The following IPCEF1 variants were observed in gnomAD, a reference collection of about 807,000 sequenced individuals.
IPCEF1 encodes interactor protein for cytohesin exchange factors 1.
Under a neutral mutation model 50.9 loss-of-function variants are expected in IPCEF1, and 31 were observed. The ratio of observed to expected loss-of-function variants is 0.61; its 90% CI spans 0.46 to 0.82. The LOEUF (loss-of-function observed/expected upper bound fraction) is 0.82. IPCEF1 is among the 40% of genes least tolerant of loss of function. IPCEF1 has a pLI of 0.00. For synonymous variants in IPCEF1, 181 were observed against 192.0 expected, an observed-to-expected ratio of 0.94 and a Z score of 0.47; for missense variants, 458 against 514.0, an observed-to-expected ratio of 0.89 and a Z score of 1.05.
intron 2 of IPCEF1, among the ~76,000 whole-genome samples, chr6:154,286,486 T>C (rs1782361680): frequency 6.6e-6 from 1 of 152,230 alleles, no homozygotes; most frequent in Admixed American, 6.5e-5. Flanking sequence ...TGCATCAAGA[T>C]GGAGGACATT....
intron 5 of IPCEF1, among the ~76,000 whole-genome samples, chr6:154,245,369 TG>T: frequency 6.6e-6 from 1 of 152,096 alleles, no homozygotes; most frequent in Non-Finnish European, 1.5e-5. Flanking sequence ...GCAATAAGTT[TG>T]GGGGCAGAGC....
intron 1 of IPCEF1, among the ~76,000 whole-genome samples, chr6:154,332,869 A>G (rs1251315297): frequency 6.6e-6 from 1 of 152,218 alleles, no homozygotes; most frequent in Non-Finnish European, 1.5e-5. Flanking sequence ...TGTGATTGGA[A>G]GGGCCTCAAA....
chr6:154,295,907 ACACG>A lies in IPCEF1; in HGVS notation c.-61-6155_-61-6152del, dbSNP rs1441036354. Among the ~76,000 whole-genome samples, 123 of 23,848 alleles carry A rather than the reference ACACG, an allele frequency of 5.2e-3. 1 individual carries two copies. Among genetic ancestry groups the A allele is most frequent in the Admixed American group, 6.5e-3 (9 of 1,394 alleles). The allele number at this position is 23,848 out of a possible 152,430, so 15.6% of individuals were successfully genotyped here. On this transcript the variant is annotated intron_variant, in intron 1 of 11. Transcript: ENST00000367220. ...CACACACATGCGTACACACACACAC[ACACG>A]CACACACACACACACACACACACAC...
In IPCEF1 at chr6:154,159,523, T is replaced by A. The variant is rs1035469312; in HGVS notation, c.*305A>T. ...GTCCATAGCATTCTCTGGAGAGCAA[T>A]GAACAGAAGAGACATTTCTCACATC... On this transcript the variant is annotated 3_prime_UTR_variant, in exon 12 of 12. Coordinates refer to ENST00000367220, the MANE Select transcript of IPCEF1 (RefSeq NM_001130700.2). 8.4e-6 allele frequency: 3 copies of A among 356,894 alleles called. No individual in the cohort carries two copies. The highest frequency in any genetic ancestry group is 1.5e-5 in the Non-Finnish European group (3 of 198,672). The allele number at this position is 356,894 out of a possible 1,614,324, so 22.1% of individuals were successfully genotyped here.
rs945423850 is a variant in IPCEF1 at position 154,313,991 on chromosome 6, TC to T, written c.-61-24236del. Among the ~76,000 whole-genome samples the T allele has an allele frequency of 3.9e-5, 6 of 152,146 alleles. No individual in the cohort carries two copies. In the South Asian group the frequency reaches 8.3e-4, roughly 21 times the overall value. On this transcript the variant is annotated intron_variant, in intron 1 of 11. Transcript: ENST00000367220. ...TCAAACTCCTGGCCTCAAGCAATCT[TC>T]CCATCTTGGCCCCCCAAAATGCTGG...
At chr6:154,319,741 T>C (rs1354082028) in intron 1 of IPCEF1, among the ~76,000 whole-genome samples, 1 of 152,228 alleles carries the variant, frequency 6.6e-6, no homozygotes, top group Non-Finnish European at 1.5e-5. Context: ...GGTGTGATAC[T>C]TCAAGATTAG....
intron 3 of IPCEF1, among the ~76,000 whole-genome samples, chr6:154,257,482 T>G (rs1028900819): frequency 1.3e-5 from 2 of 152,216 alleles, no homozygotes; most frequent in Non-Finnish European, 2.9e-5. Flanking sequence ...AACTATCATT[T>G]TTGGCTTTTT....
intron 1 of IPCEF1, among the ~76,000 whole-genome samples, chr6:154,307,672 T>G (rs1782970568): frequency 2.0e-5 from 3 of 152,180 alleles, no homozygotes; most frequent in Admixed American, 2.0e-4. Flanking sequence ...TATAATAAAA[T>G]CACACAAATA....
rs747423048 is a variant in IPCEF1, at chr6:154,305,153, T to A, written c.-61-15397A>T. ...GAAAAGAAAAGAAAGAAAGAAAATATGTGAGAAGACTGTGCCTCCTTGCTG... is the reference window on the plus strand; with the variant it reads ...GAAAAGAAAAGAAAGAAAGAAAATAAGTGAGAAGACTGTGCCTCCTTGCTG... On this transcript the variant is annotated intron_variant, in intron 1 of 11. Transcript: ENST00000367220. 6.8e-5 allele frequency among the ~76,000 whole-genome samples: 9 copies of A among 132,792 alleles called. 1 individual carries two copies. In the East Asian group the frequency reaches 2.0e-3, roughly 30 times the overall value. 87.1% of individuals were successfully genotyped at this position (132,792 alleles called of 152,430 possible). A position where few individuals can be genotyped will look rare whatever the true frequency, so the allele number is the denominator to read the frequency against.
intron 9 of IPCEF1, among the ~76,000 whole-genome samples, chr6:154,209,894 A>T (rs1384375394): frequency 6.6e-6 from 1 of 152,202 alleles, no homozygotes; most frequent in Non-Finnish European, 1.5e-5. Context: ...GTTAGCATTA[A>T]TGGCCTGCCA....
chr6:154,289,455 CA>C (rs34430477), intron 2 of IPCEF1, among the ~76,000 whole-genome samples: 19 of 146,684 alleles, frequency 1.3e-4, no homozygotes, highest in African/African-American at 1.7e-4. Context: ...CTTAGAGAAG[CA>C]AAAAAAAAAT....
At chr6:154,307,569 GAC>G (rs5881077) in intron 1 of IPCEF1, among the ~76,000 whole-genome samples, 10,731 of 152,208 alleles carry the variant, frequency 0.071, 552 homozygotes, top group African/African-American at 0.14. Context: ...GGTGTGGAGA[GAC>G]ACAGTTTAAG....
intron 10 of IPCEF1, among the ~76,000 whole-genome samples, chr6:154,197,707 C>G (rs1436465226): frequency 2.6e-5 from 4 of 152,190 alleles, no homozygotes; most frequent in Non-Finnish European, 5.9e-5. Flanking sequence ...TTGCATCTTC[C>G]CATGTCTCTG....
intron 3 of IPCEF1, among the ~76,000 whole-genome samples, chr6:154,258,557 A>C (rs1781516830): frequency 6.6e-6 from 1 of 152,164 alleles, no homozygotes; most frequent in Non-Finnish European, 1.5e-5. Flanking sequence ...GCCTGTGAGT[A>C]ATCTCAGGTT....
chr6:154,235,532 A>C (rs76300441), intron 5 of IPCEF1, among the ~76,000 whole-genome samples: 1 of 28,132 alleles, frequency 3.6e-5, no homozygotes, highest in Non-Finnish European at 6.2e-5. Flanking sequence ...ACTCTGTCAC[A>C]AAAAAAAAAA....
At chr6:154,204,145 G>A (rs904408380) in intron 9 of IPCEF1, among the ~76,000 whole-genome samples, 1 of 152,120 alleles carries the variant, frequency 6.6e-6, no homozygotes, top group Non-Finnish European at 1.5e-5. Context: ...TTACATTAAA[G>A]ATTAATACTG....
In IPCEF1 at chr6:154,180,404, ATATATATATATTTT is replaced by A. The variant is rs1435612219; in HGVS notation, c.911-12305_911-12292del. On this transcript the variant is annotated intron_variant, in intron 10 of 11. Transcript: ENST00000367220. ...ACAACAACTATATATATATATATATATATATATATATTTTTTTTTTAAACATGATCCTTCTTGGT... is the reference window on the plus strand; with the variant it reads ...ACAACAACTATATATATATATATATATTTTTTAAACATGATCCTTCTTGGT... Among the ~76,000 whole-genome samples, 125 of 40,336 alleles carry A rather than the reference ATATATATATATTTT, an allele frequency of 3.1e-3. No individual in the cohort carries two copies. In the East Asian group the frequency reaches 0.081, roughly 26 times the overall value. The allele number at this position is 40,336 out of a possible 152,430, so 26.5% of individuals were successfully genotyped here.
At chr6:154,203,020 C>G (rs751365402) in intron 9 of IPCEF1, among the ~76,000 whole-genome samples, 2 of 152,090 alleles carry the variant, frequency 1.3e-5, no homozygotes, top group Non-Finnish European at 2.9e-5. Flanking sequence ...TCCAAGGATT[C>G]AGTATGAAAA....
At chr6:154,242,924 G>A (rs1176337185) in intron 5 of IPCEF1, among the ~76,000 whole-genome samples, 1 of 152,058 alleles carries the variant, frequency 6.6e-6, no homozygotes, top group Non-Finnish European at 1.5e-5. Flanking sequence ...CACTCAGGCA[G>A]CAGAGAGAGG....
Sources: allele counts gnomAD v4.1 joint callset (sites outside exome capture counted in the v4.1 genomes callset), GRCh38; gene constraint gnomAD v4.1.1; transcripts MANE v1.5; gene names NCBI Gene and HGNC (gene_info 2026-07-23, HGNC 2026-07-21).